EFR3B: variants seen among roughly 807,000 people sequenced by gnomAD.
The protein encoded by EFR3B is protein EFR3 homolog B.
In EFR3B, 64 loss-of-function variants were observed where a neutral mutation model predicts 104.7. That is an observed-to-expected ratio of 0.61 (90% CI 0.50 to 0.75). The LOEUF (loss-of-function observed/expected upper bound fraction) is 0.75. Among genes scored for constraint, EFR3B ranks in the 30% least tolerant of loss-of-function variants. The probability of loss-of-function intolerance (pLI) is 0.00; values close to 1 mark genes in which losing one functional copy is unlikely to be tolerated. For missense variants in EFR3B, 750 were observed against 1,078.5 expected (o/e 0.70, Z 4.27); for synonymous variants, 385 against 417.9 (o/e 0.92, Z 0.96).
intron 1 of EFR3B, among the ~76,000 whole-genome samples, chr2:25,084,413 A>G (rs1668892828): frequency 6.6e-6 from 1 of 151,588 alleles, no homozygotes; most frequent in Non-Finnish European, 1.5e-5. Context: ...ATTTTTTTGT[A>G]TTTTTAGTAG....
chr2:25,145,261 A>G, intron 19 of EFR3B: 1 of 585,022 alleles, frequency 1.7e-6, no homozygotes, highest in East Asian at 2.8e-5. Context: ...TCCCATGAGG[A>G]TATCATAAAA....
At chr2:25,048,202 T>G (rs1558580006) in intron 1 of EFR3B, among the ~76,000 whole-genome samples, 1 of 152,150 alleles carries the variant, frequency 6.6e-6, no homozygotes. Context: ...TTTTGTAGGA[T>G]GGGGTCCCGC....
intron 1 of EFR3B, among the ~76,000 whole-genome samples, chr2:25,061,267 C>T (rs1668186609): frequency 2.6e-5 from 4 of 151,706 alleles, no homozygotes; most frequent in African/African-American, 7.3e-5. Context: ...CCGTGTGCCA[C>T]CACGTCCAGC....
intron 1 of EFR3B, among the ~76,000 whole-genome samples, chr2:25,057,783 CAA>C (rs11378748): frequency 5.4e-4 from 75 of 138,600 alleles, no homozygotes; most frequent in African/African-American, 1.3e-3. Flanking sequence ...AAAACTCCGT[CAA>C]AAAAAAAAAA....
intron 1 of EFR3B, among the ~76,000 whole-genome samples, chr2:25,069,852 A>G (rs1260765921): frequency 1.3e-5 from 2 of 152,042 alleles, no homozygotes; most frequent in African/African-American, 2.4e-5. Flanking sequence ...ATGCGCCACC[A>G]CGCCTGGCTA....
chr2:25,154,370 T>C lies in EFR3B; in HGVS notation c.*30T>C. 1 of 1,543,808 alleles carries C rather than the reference T, an allele frequency of 6.5e-7. No homozygotes were observed. Among genetic ancestry groups the C allele is most frequent in the Non-Finnish European group, 8.8e-7 (1 of 1,139,696 alleles). On this transcript the variant is annotated 3_prime_UTR_variant, in exon 23 of 23. Coordinates refer to ENST00000403714, the MANE Select transcript of EFR3B (RefSeq NM_014971.2). The surrounding 1 kb of genome is among the most constrained non-coding windows in gnomAD (Gnocchi z 4.1). Reference sequence around the variant, plus strand: ...CAAGAGCCTGAGCTCCTCAAGGAGATGGGGTCTGAGGAGGGGCTCACCTCA... The same window carrying C: ...CAAGAGCCTGAGCTCCTCAAGGAGACGGGGTCTGAGGAGGGGCTCACCTCA...
intron 17 of EFR3B, among the ~76,000 whole-genome samples, chr2:25,142,153 T>G (rs1670686343): frequency 6.6e-6 from 1 of 151,804 alleles, no homozygotes; most frequent in South Asian, 2.1e-4. Flanking sequence ...GTTTAAAAAT[T>G]TTGCCCGGGC....
intron 13 of EFR3B, among the ~76,000 whole-genome samples, 187 bp downstream of exon 13, chr2:25,135,826 G>A (rs901584628): frequency 3.3e-5 from 5 of 152,136 alleles, no homozygotes; most frequent in African/African-American, 1.2e-4. Flanking sequence ...CGTTGACCCT[G>A]GGGTCCTGCA....
intron 4 of EFR3B, among the ~76,000 whole-genome samples, chr2:25,119,768 T>C (rs1669963300): frequency 2.0e-5 from 3 of 152,202 alleles, no homozygotes; most frequent in Admixed American, 2.0e-4. Flanking sequence ...TTTATTATTG[T>C]AAGAATAAAA....
chr2:25,107,799 T>C (rs1428713159), intron 4 of EFR3B, among the ~76,000 whole-genome samples: 2 of 145,462 alleles, frequency 1.4e-5, no homozygotes, highest in African/African-American at 2.4e-5. Context: ...ACTTTAAAAA[T>C]TTAAGTGAGC....
At chr2:25,109,977 GC>G (rs1196782836) in intron 4 of EFR3B, among the ~76,000 whole-genome samples, 2 of 152,118 alleles carry the variant, frequency 1.3e-5, no homozygotes, top group Non-Finnish European at 2.9e-5. Flanking sequence ...CTGGTGCAAA[GC>G]GAGTCACCCA....
chr2:25,136,572 C>T lies in EFR3B; in HGVS notation c.1534C>T (p.Arg512Ter). The T allele has an allele frequency of 1.9e-6, 3 of 1,551,432 alleles. No homozygotes were observed. The highest frequency in any genetic ancestry group is 2.4e-5 in the East Asian group (1 of 40,908). ...VLKLKVDKCS[R>*]QDTVFMKKHS... ...GAAGCTGAAAGTGGACAAGTGCTCT[C>T]GACAGGACACCGTCTTCATGAAGAA... The change falls in exon 14 of 23, where the codon CGA becomes TGA. Residue 512 changes from arginine (R) to a stop codon, truncating the protein, a stop_gained. Transcript: ENST00000403714. LOFTEE classifies it high-confidence loss of function. The surrounding 1 kb of genome is among the most constrained non-coding windows in gnomAD (Gnocchi z 4.0).
Position 25,154,294 on chromosome 2 carries a change from C to T in EFR3B, c.2408C>T (p.Ser803Phe). 6.4e-7 allele frequency: 1 copy of T among 1,552,064 alleles called. No individual in the cohort carries two copies. The highest frequency in any genetic ancestry group is 8.7e-7 in the Non-Finnish European group (1 of 1,147,088). ...TAAYGQPQNH[S>F]IPVYEMKFPD... ...GCCTACGGTCAGCCGCAGAACCACT[C>T]CATCCCCGTCTATGAAATGAAGTTT... Residue 803 changes from serine (S) to phenylalanine (F), a missense_variant, in exon 23 of 23, where the codon TCC (serine) becomes TTC (phenylalanine). Physicochemically the swap from Ser to Phe is radical, Grantham distance 155. Transcript: ENST00000403714. The surrounding 1 kb of genome is among the most constrained non-coding windows in gnomAD (Gnocchi z 4.1).
chr2:25,151,770 G>A, intron 20 of EFR3B, 144 bp from the exon 21 acceptor site: 1 of 803,294 alleles, frequency 1.2e-6, no homozygotes, highest in Non-Finnish European at 1.9e-6. Context: ...CCAAGTGAGG[G>A]CACCGCACCT....
rs973138085 is a variant in EFR3B at position 25,130,190 on chromosome 2, G to A, written c.770+81G>A. 1.3e-6 allele frequency: 2 copies of A among 1,536,210 alleles called. No individual in the cohort carries two copies. Among genetic ancestry groups the A allele is most frequent in the Non-Finnish European group, 8.8e-7 (1 of 1,136,532 alleles). ...GTCCCTGGCATCTCCTGGCTGGCTG[G>A]GGGGAAGGGGATATTACAGTTGTGG... is the stretch of plus-strand genomic sequence containing the variant. On this transcript the variant is annotated intron_variant, in intron 7 of 22. Coordinates refer to ENST00000403714, the MANE Select transcript of EFR3B (RefSeq NM_014971.2). The surrounding 1 kb of genome is among the most constrained non-coding windows in gnomAD (Gnocchi z 4.6).
chr2:25,055,850 C>T (rs1204757349), intron 1 of EFR3B, among the ~76,000 whole-genome samples: 1 of 152,186 alleles, frequency 6.6e-6, no homozygotes, highest in Non-Finnish European at 1.5e-5. Flanking sequence ...TGCAGCCTCC[C>T]TCCGGGTCTC....
intron 6 of EFR3B, among the ~76,000 whole-genome samples, 191 bp from the exon 7 acceptor site, chr2:25,129,784 C>T (rs1314386533): frequency 6.6e-6 from 1 of 152,214 alleles, no homozygotes; most frequent in Non-Finnish European, 1.5e-5. Flanking sequence ...GGTCTTCCCC[C>T]ACTTCCCCCA....
At chr2:25,066,015 A>G (rs946181743) in intron 1 of EFR3B, among the ~76,000 whole-genome samples, 2 of 152,144 alleles carry the variant, frequency 1.3e-5, no homozygotes, top group African/African-American at 2.4e-5. Context: ...CCACTTGGCT[A>G]TGGGGCAGGT....
intron 1 of EFR3B, among the ~76,000 whole-genome samples, chr2:25,056,682 A>G (rs2149166684): frequency 6.6e-6 from 1 of 152,022 alleles, no homozygotes; most frequent in Middle Eastern, 3.4e-3. Context: ...GCCTGATCCT[A>G]CAGGCAGGCC....
Sources: allele counts gnomAD v4.1 joint callset (sites outside exome capture counted in the v4.1 genomes callset), GRCh38; gene constraint gnomAD v4.1.1; non-coding constraint Gnocchi (gnomAD v3.1); transcripts MANE v1.5; gene names NCBI Gene and HGNC (gene_info 2026-07-23, HGNC 2026-07-21).